The following FHIT variants were observed in gnomAD, a reference collection of about 807,000 sequenced individuals.
FHIT encodes the protein fragile histidine triad diadenosine triphosphatase, also known as bis(5'-adenosyl)-triphosphatase.
A neutral mutation model predicts 17.9 loss-of-function variants in FHIT; 19 were observed. That is an observed-to-expected ratio of 1.06 (90% CI 0.74 to 1.56). The LOEUF is 1.56. FHIT is among the 40% of genes most tolerant of loss of function. The probability of loss-of-function intolerance (pLI) is 0.00; values close to 1 mark genes in which losing one functional copy is unlikely to be tolerated. For missense variants in FHIT, 248 were observed against 189.2 expected (o/e 1.31, Z -1.82); for synonymous variants, 81 against 69.7 (o/e 1.16, Z -0.81).
At chr3:60,108,661 TTC>T (rs1413373131) in intron 5 of FHIT, among the ~76,000 whole-genome samples, 1 of 124,316 alleles carries the variant, frequency 8.0e-6, no homozygotes, top group Non-Finnish European at 1.7e-5. Context: ...TCCCAGTTAC[TTC>T]TCTTTTTTTT....
intron 5 of FHIT, among the ~76,000 whole-genome samples, chr3:60,032,924 T>C (rs1383948584): frequency 3.9e-5 from 6 of 152,036 alleles, no homozygotes; most frequent in Non-Finnish European, 5.9e-5. Context: ...TAACTTACTT[T>C]ACACCAAACA....
intron 5 of FHIT, among the ~76,000 whole-genome samples, chr3:60,504,111 T>C (rs934395022): frequency 6.6e-6 from 1 of 152,180 alleles, no homozygotes; most frequent in Non-Finnish European, 1.5e-5. Context: ...CATCCAACCA[T>C]ATTGATAGCC....
chr3:60,286,901 T>A (rs73101215), intron 5 of FHIT, among the ~76,000 whole-genome samples: 10 of 151,958 alleles, frequency 6.6e-5, no homozygotes, highest in Admixed American at 2.6e-4. Context: ...AGCTCTTCCC[T>A]GCAAAAAAAA....
intron 5 of FHIT, among the ~76,000 whole-genome samples, chr3:60,054,601 A>G (rs994797815): frequency 5.9e-5 from 9 of 152,158 alleles, no homozygotes; most frequent in African/African-American, 2.2e-4. Flanking sequence ...TATTTTCCCT[A>G]TAGATAATAC....
chr3:60,811,375 ATGAGGAATTTC>A (rs141541427), intron 4 of FHIT, among the ~76,000 whole-genome samples: 1 of 152,298 alleles, frequency 6.6e-6, no homozygotes, highest in African/African-American at 2.4e-5. Flanking sequence ...TAGAGGTCAT[ATGAGGAATTTC>A]TGACATTTTA....
intron 5 of FHIT, among the ~76,000 whole-genome samples, chr3:60,436,878 A>G (rs1010066730): frequency 3.9e-5 from 6 of 152,134 alleles, no homozygotes; most frequent in Admixed American, 2.6e-4. Context: ...TGTCTAGGAA[A>G]AACATTATTG....
At chr3:60,893,480 T>C (rs797040120) in intron 3 of FHIT, among the ~76,000 whole-genome samples, 14 of 152,302 alleles carry the variant, frequency 9.2e-5, no homozygotes, top group African/African-American at 3.4e-4. Flanking sequence ...TGTACAAATA[T>C]ATATTTATTA....
At position 60,879,187 on chromosome 3, in the gene FHIT, T is replaced by C. The variant is rs1704837537; in HGVS notation, c.-110-57176A>G. ...ACTTTTTAATGATCGCCATTCTAAC[T>C]GGTGTAAGATGGTATCTCATTGTGG... On this transcript the variant is annotated intron_variant, in intron 3 of 9. Coordinates refer to ENST00000492590, the MANE Select transcript of FHIT (RefSeq NM_002012.4). 2.0e-5 allele frequency among the ~76,000 whole-genome samples: 3 copies of C among 152,208 alleles called. No homozygotes were observed. The East Asian group carries it at 5.8e-4, about 29-fold the overall frequency.
At chr3:60,627,555 G>C (rs372519205) in intron 4 of FHIT, among the ~76,000 whole-genome samples, 18 of 152,192 alleles carry the variant, frequency 1.2e-4, no homozygotes, top group East Asian at 3.9e-4. Flanking sequence ...ACCCAGGCTG[G>C]AGTGCAGTGA....
intron 5 of FHIT, among the ~76,000 whole-genome samples, chr3:60,346,362 A>C (rs556617440): frequency 1.3e-5 from 2 of 152,320 alleles, no homozygotes; most frequent in East Asian, 3.9e-4. Context: ...TTCAATTATA[A>C]ATGTGAAAAT....
intron 2 of FHIT, among the ~76,000 whole-genome samples, chr3:61,062,358 A>C (rs2034457873): frequency 6.6e-6 from 1 of 152,114 alleles, no homozygotes; most frequent in African/African-American, 2.4e-5. Flanking sequence ...CTTTATCTGG[A>C]GAGTAAAATA....
chr3:60,106,884 T>C (rs1253762397), intron 5 of FHIT, among the ~76,000 whole-genome samples: 1 of 152,218 alleles, frequency 6.6e-6, no homozygotes, highest in Non-Finnish European at 1.5e-5. Context: ...TATTTTATCC[T>C]TTTTAATTTG....
chr3:60,012,002 C>G (rs1700156550), intron 6 of FHIT, among the ~76,000 whole-genome samples: 1 of 152,132 alleles, frequency 6.6e-6, no homozygotes, highest in Non-Finnish European at 1.5e-5. Context: ...AGCAGATACT[C>G]AGCTGGTTGA....
At chr3:59,856,630 AG>A (rs1040813208) in intron 8 of FHIT, among the ~76,000 whole-genome samples, 2 of 152,368 alleles carry the variant, frequency 1.3e-5, no homozygotes, top group Admixed American at 1.3e-4. Context: ...GTAACATTAC[AG>A]AAAGATTTCA....
intron 5 of FHIT, among the ~76,000 whole-genome samples, chr3:60,056,561 C>G (rs1029164931): frequency 6.6e-6 from 1 of 152,154 alleles, no homozygotes; most frequent in African/African-American, 2.4e-5. Context: ...AGTGCATTAC[C>G]CGGGAGGGTG....
chr3:60,387,023 C>CTTTTTT lies in FHIT; in HGVS notation c.103+149831_103+149836dup, dbSNP rs71627536. Among the ~76,000 whole-genome samples, 373 of 136,410 alleles carry CTTTTTT rather than the reference C, an allele frequency of 2.7e-3. 11 individuals carry two copies. Among genetic ancestry groups the CTTTTTT allele is most frequent in the African/African-American group, 9.2e-3 (343 of 37,190 alleles). The allele number at this position is 136,410 out of a possible 152,430, so 89.5% of individuals were successfully genotyped here. On this transcript the variant is annotated intron_variant, in intron 5 of 9. Transcript: ENST00000492590. Reference sequence around the variant, plus strand: ...TTTGCCTAAGGAAATTCTATTTATTCTTTTTTTTTTTTGGAGTGCAACAGC... The same window carrying CTTTTTT: ...TTTGCCTAAGGAAATTCTATTTATTCTTTTTTTTTTTTTTTTTTGGAGTGCAACAGC...
chr3:61,046,563 C>A (rs1385304081), intron 2 of FHIT, among the ~76,000 whole-genome samples: 2 of 152,160 alleles, frequency 1.3e-5, no homozygotes, highest in African/African-American at 4.8e-5. Flanking sequence ...ACCAGAGGTA[C>A]AAAGAGGACC....
chr3:61,213,517 T>G (rs890609336), intron 1 of FHIT, among the ~76,000 whole-genome samples: 9 of 152,210 alleles, frequency 5.9e-5, no homozygotes, highest in East Asian at 1.9e-4. Context: ...AAGTCCTGAG[T>G]GACCTACAAA....
At chr3:60,188,045 C>G (rs1252968794) in intron 5 of FHIT, among the ~76,000 whole-genome samples, 1 of 152,074 alleles carries the variant, frequency 6.6e-6, no homozygotes, top group African/African-American at 2.4e-5. Flanking sequence ...CTGTATTACA[C>G]AGAGCATCAT....
Sources: gnomAD v4.1 joint callset for allele counts (sites outside exome capture counted in the v4.1 genomes callset) on GRCh38, gnomAD v4.1.1 for gene constraint, MANE v1.5 for transcripts, NCBI Gene and HGNC (gene_info 2026-07-23, HGNC 2026-07-21) for gene names.